SUGP2: variants seen among roughly 807,000 people sequenced by gnomAD.
The protein encoded by SUGP2 is SURP and G-patch domain-containing protein 2.
Under a neutral mutation model 90.5 loss-of-function variants are expected in SUGP2, and 24 were observed. The observed-to-expected ratio is 0.27, with a 90% CI of 0.19 to 0.37. The LOEUF is 0.37. SUGP2 is among the 10% of genes least tolerant of loss of function. The pLI, the probability that SUGP2 is intolerant of heterozygous loss-of-function variation, is 1.00. For synonymous variants in SUGP2, 473 were observed against 513.4 expected, an observed-to-expected ratio of 0.92 and a Z score of 1.06; for missense variants, 1,233 against 1,363.3, an observed-to-expected ratio of 0.90 and a Z score of 1.51.
intron 2 of SUGP2, among the ~76,000 whole-genome samples, chr19:19,028,595 A>G (rs1212286236): frequency 2.6e-5 from 4 of 152,240 alleles, no homozygotes; most frequent in African/African-American, 9.6e-5. Flanking sequence ...TGGAGCAGAG[A>G]AACAGAGAAA....
Position 19,024,636 on chromosome 19 carries a change from G to A in SUGP2, c.1712C>T (p.Pro571Leu). The A allele has an allele frequency of 6.2e-7, 1 of 1,613,824 alleles. No individual in the cohort carries two copies. The highest frequency in any genetic ancestry group is 8.5e-7 in the Non-Finnish European group (1 of 1,179,854). ...PTKPEIQAKA[P>L]SSLSDAVPQR... ...TTCCTTACCATCACTCAGACTACTTGGAGCCTTGGCCTGAATTTCAGGTTT... is the reference window on the plus strand; with the variant it reads ...TTCCTTACCATCACTCAGACTACTTAGAGCCTTGGCCTGAATTTCAGGTTT... The change falls in exon 3 of 11, where the codon CCA becomes CTA. Residue 571 changes from proline (P) to leucine (L), a missense_variant. Physicochemically the swap from Pro to Leu is moderately conservative, Grantham distance 98 (BLOSUM62 -3). Coordinates refer to ENST00000452918, the MANE Select transcript of SUGP2 (RefSeq NM_001017392.5).
At chr19:19,001,232 G>C (rs1326232978) in intron 8 of SUGP2, among the ~76,000 whole-genome samples, 3 of 152,034 alleles carry the variant, frequency 2.0e-5, no homozygotes. Flanking sequence ...AGCCAGGATG[G>C]TCTCGATCTC....
chr19:19,002,057 A>G (rs148673604), intron 7 of SUGP2, among the ~76,000 whole-genome samples: 8 of 152,304 alleles, frequency 5.3e-5, no homozygotes, highest in Non-Finnish European at 1.0e-4. Context: ...GTGCCCTCCT[A>G]GTTTATCTGC....
Position 19,013,831 on chromosome 19 carries a change from C to G in SUGP2, c.1851-3489G>C, listed in dbSNP as rs117185375. Among the ~76,000 whole-genome samples, 529 of 152,284 alleles carry G rather than the reference C, an allele frequency of 3.5e-3. 2 individuals carry two copies. Among genetic ancestry groups the G allele is most frequent in the Non-Finnish European group, 6.4e-3 (432 of 68,030 alleles). ...GGACAATTTAGAAGATGAGAGAAAA[C>G]AAAGTATGACATATTCCTTCAGCTT... On this transcript the variant is annotated intron_variant, in intron 4 of 10. Transcript: ENST00000452918.
At chr19:18,996,334 T>C (rs1207630014) in intron 8 of SUGP2, among the ~76,000 whole-genome samples, 5 of 152,158 alleles carry the variant, frequency 3.3e-5, no homozygotes, top group African/African-American at 1.2e-4. Flanking sequence ...AGGCAGAGGT[T>C]GCAGTGAGCG....
At chr19:19,022,061 T>G (rs2058748699) in intron 3 of SUGP2, among the ~76,000 whole-genome samples, 2 of 152,034 alleles carry the variant, frequency 1.3e-5, no homozygotes, top group Admixed American at 1.3e-4. Context: ...CTCGGCTCAC[T>G]GCAACCTCTG....
At chr19:19,033,283 C>T in intron 1 of SUGP2, 154 bp downstream of exon 1, 2 of 892,468 alleles carry the variant, frequency 2.2e-6, no homozygotes, top group Non-Finnish European at 2.8e-6. Flanking sequence ...CGCAGCCGGC[C>T]ACCCAGGCCA....
intron 8 of SUGP2, among the ~76,000 whole-genome samples, chr19:19,001,002 C>T (rs947927799): frequency 2.6e-5 from 4 of 151,786 alleles, no homozygotes; most frequent in Admixed American, 6.6e-5. Context: ...ACCCAATCGG[C>T]CTTAGCTTGA....
intron 4 of SUGP2, among the ~76,000 whole-genome samples, chr19:19,014,694 G>T (rs2058431156): frequency 6.6e-6 from 1 of 151,878 alleles, no homozygotes; most frequent in African/African-American, 2.4e-5. Flanking sequence ...TCAGCTACTT[G>T]GGAGGCTGAG....
At chr19:19,030,857 G>C in intron 2 of SUGP2, 94 bp downstream of exon 2, 1 of 1,354,034 alleles carries the variant, frequency 7.4e-7, no homozygotes, top group Non-Finnish European at 1.0e-6. Context: ...CAGAGGACTG[G>C]TATTATTTGC....
intron 1 of SUGP2, 53 bp downstream of exon 1, chr19:19,033,384 G>A (rs1211590222): frequency 4.1e-6 from 5 of 1,229,648 alleles, no homozygotes; most frequent in Admixed American, 4.5e-5. Context: ...GGCCGAGCCC[G>A]AGCTTCCCAC....
At chr19:19,012,678 T>C (rs972757275) in intron 4 of SUGP2, among the ~76,000 whole-genome samples, 10 of 152,250 alleles carry the variant, frequency 6.6e-5, no homozygotes, top group African/African-American at 2.4e-4. Context: ...CTATGAAAAC[T>C]GCCTAGTAGT....
chr19:19,027,461 C>T (rs2058979044), intron 2 of SUGP2, among the ~76,000 whole-genome samples: 1 of 152,170 alleles, frequency 6.6e-6, no homozygotes, highest in South Asian at 2.1e-4. Flanking sequence ...GAAGTTACAG[C>T]AAGAAAATGA....
intron 3 of SUGP2, among the ~76,000 whole-genome samples, chr19:19,021,159 C>CAT (rs2058711668): frequency 3.0e-5 from 2 of 66,964 alleles, no homozygotes; most frequent in Non-Finnish European, 5.2e-5. Context: ...AATTCCATCT[C>CAT]AAAAAAAAAA....
chr19:19,008,765 TG>T (rs1416279015), intron 5 of SUGP2, among the ~76,000 whole-genome samples: 2 of 152,154 alleles, frequency 1.3e-5, no homozygotes, highest in East Asian at 1.9e-4. Context: ...GGCTGGCTGC[TG>T]GGGGGATGAC....
intron 4 of SUGP2, among the ~76,000 whole-genome samples, chr19:19,011,696 CATACATA>C (rs2058318658): frequency 6.6e-6 from 1 of 152,002 alleles, no homozygotes; most frequent in Admixed American, 6.6e-5. Flanking sequence ...TCTGTGATTT[CATACATA>C]ACGAACTTTT....
rs1004822878 is a variant in SUGP2, at chr19:19,033,464, C to CCCG, written c.-42_-40dup. 2.6e-4 allele frequency: 358 copies of CCCG among 1,402,040 alleles called. 1 individual carries two copies. Among genetic ancestry groups the CCCG allele is most frequent in the Non-Finnish European group, 3.2e-4 (347 of 1,077,748 alleles). 86.8% of individuals were successfully genotyped at this position (1,402,040 alleles called of 1,614,324 possible). A position where few individuals can be genotyped will look rare whatever the true frequency, so the allele number is the denominator to read the frequency against. On this transcript the variant is annotated 5_prime_UTR_variant, in exon 1 of 11. Coordinates refer to ENST00000452918, the MANE Select transcript of SUGP2 (RefSeq NM_001017392.5). ...CGAGACCACCGCGCGCGGAGCCACC[C>CCCG]CCGCCGCCGCCTCAGGCTCCTCACC... is the stretch of plus-strand genomic sequence containing the variant.
rs2057357523 is a variant in SUGP2 at position 18,991,460 on chromosome 19, G to C, written c.*2281C>G. 6.6e-6 allele frequency: 1 copy of C among 152,270 alleles called. No homozygotes were observed. The highest frequency in any genetic ancestry group is 1.5e-5 in the Non-Finnish European group (1 of 68,090). The allele number at this position is 152,270 out of a possible 1,614,324, so 9.4% of individuals were successfully genotyped here. A position where few individuals can be genotyped will look rare whatever the true frequency, so the allele number is the denominator to read the frequency against. The stretch of plus-strand genomic sequence containing the variant: ...AGATGTGCCCTTTGACCCCTGCCAA[G>C]GACTCACAGAACCATCTCAGCTCAA... On this transcript the variant is annotated 3_prime_UTR_variant, in exon 11 of 11. Coordinates refer to ENST00000452918, the MANE Select transcript of SUGP2 (RefSeq NM_001017392.5).
At chr19:19,011,236 C>G (rs907064068) in intron 4 of SUGP2, among the ~76,000 whole-genome samples, 1 of 151,656 alleles carries the variant, frequency 6.6e-6, no homozygotes, top group African/African-American at 2.4e-5. Flanking sequence ...CAGCCTCGAC[C>G]TTCTGGGTTC....
Sources: gnomAD v4.1 joint callset for allele counts (sites outside exome capture counted in the v4.1 genomes callset) on GRCh38, gnomAD v4.1.1 for gene constraint, MANE v1.5 for transcripts, NCBI Gene and HGNC (gene_info 2026-07-23, HGNC 2026-07-21) for gene names.